EPHB1: variants seen among roughly 807,000 people sequenced by gnomAD.
The protein encoded by EPHB1 is ephrin type-B receptor 1.
EPHB1 carries 30 observed loss-of-function variants against 94.4 expected under a neutral mutation model. That is an observed-to-expected ratio of 0.32 (90% CI 0.24 to 0.43). The LOEUF (loss-of-function observed/expected upper bound fraction) is 0.43, where lower values mean the gene tolerates loss of function less well. Among genes scored for constraint, EPHB1 ranks in the 20% least tolerant of loss-of-function variants. The pLI is 1.00. For missense variants in EPHB1, 1,055 were observed against 1,308.3 expected (o/e 0.81, Z 2.99); for synonymous variants, 522 against 489.1 (o/e 1.07, Z -0.89).
At chr3:134,944,100 A>G (rs1421764765) in intron 2 of EPHB1, among the ~76,000 whole-genome samples, 2 of 152,168 alleles carry the variant, frequency 1.3e-5, no homozygotes, top group Admixed American at 1.3e-4. Flanking sequence ...AAGATTCTTT[A>G]TGCCAGTTTG....
intron 4 of EPHB1, among the ~76,000 whole-genome samples, chr3:135,130,563 C>G (rs555033828): frequency 1.7e-4 from 26 of 152,200 alleles, no homozygotes; most frequent in African/African-American, 6.0e-4. Context: ...TTGAAAATGG[C>G]AAAGACTTGT....
chr3:135,161,967 G>A, intron 6 of EPHB1, 51 bp from the exon 7 acceptor site: 1 of 1,560,210 alleles, frequency 6.4e-7, no homozygotes, highest in South Asian at 1.2e-5. Context: ...GTGGGCTGGG[G>A]GTGTAGCCTT....
At chr3:134,929,658 A>G (rs2038866549) in intron 2 of EPHB1, among the ~76,000 whole-genome samples, 1 of 152,200 alleles carries the variant, frequency 6.6e-6, no homozygotes, top group Admixed American at 6.5e-5. Context: ...CCCCAGATGT[A>G]GGTCTCAGTG....
In EPHB1 at chr3:135,192,562, T is replaced by G; in HGVS notation, c.1883-14T>G. 6.2e-7 allele frequency: 1 copy of G among 1,611,918 alleles called. No individual in the cohort carries two copies. Among genetic ancestry groups the G allele is most frequent in the Non-Finnish European group, 8.5e-7 (1 of 1,178,302 alleles). ...AGAAGGAAGAGGATATTAATGGCAT[T>G]TTTGCTGTTGCAGGGGAGTTTGGAG... is the stretch of plus-strand genomic sequence containing the variant. On this transcript the variant is annotated splice_polypyrimidine_tract_variant and intron_variant, in intron 10 of 15. Coordinates refer to ENST00000398015, the MANE Select transcript of EPHB1 (RefSeq NM_004441.5).
At chr3:135,058,657 A>G (rs1236479137) in intron 3 of EPHB1, among the ~76,000 whole-genome samples, 2 of 152,202 alleles carry the variant, frequency 1.3e-5, no homozygotes, top group Non-Finnish European at 2.9e-5. Flanking sequence ...TAACATCCCC[A>G]GCATGTGAAG....
intron 3 of EPHB1, among the ~76,000 whole-genome samples, chr3:135,098,569 G>A (rs1938897829): frequency 1.3e-5 from 2 of 151,800 alleles, no homozygotes; most frequent in South Asian, 4.2e-4. Flanking sequence ...ATAACACTGT[G>A]ATGAACATCA....
chr3:135,157,316 C>G (rs756944873), intron 6 of EPHB1, among the ~76,000 whole-genome samples: 1 of 152,162 alleles, frequency 6.6e-6, no homozygotes, highest in Non-Finnish European at 1.5e-5. Context: ...AATGACAGGC[C>G]GAGCACTGAA....
At chr3:135,249,543 T>G in intron 15 of EPHB1, 52 bp downstream of exon 15, 1 of 1,568,446 alleles carries the variant, frequency 6.4e-7, no homozygotes, top group East Asian at 2.3e-5. Context: ...TCAGTGCTCC[T>G]TCCCTGCTAT....
intron 3 of EPHB1, among the ~76,000 whole-genome samples, chr3:134,997,680 C>A (rs1935040218): frequency 6.6e-6 from 1 of 152,144 alleles, no homozygotes; most frequent in African/African-American, 2.4e-5. Context: ...TTTGGATAAA[C>A]CTTCCTTTTC....
At chr3:134,928,417 A>G (rs1055836990) in intron 2 of EPHB1, among the ~76,000 whole-genome samples, 2 of 152,172 alleles carry the variant, frequency 1.3e-5, no homozygotes, top group African/African-American at 4.8e-5. Context: ...GCCATATTAT[A>G]ACCTCCGGGG....
At chr3:134,830,636 CTTATTA>C (rs986522870) in intron 1 of EPHB1, among the ~76,000 whole-genome samples, 1 of 151,992 alleles carries the variant, frequency 6.6e-6, no homozygotes, top group African/African-American at 2.4e-5. Context: ...GAAGGGGGTG[CTTATTA>C]TTATTTTTCC....
chr3:134,893,620 C>A (rs761795051), intron 1 of EPHB1, among the ~76,000 whole-genome samples: 30 of 152,248 alleles, frequency 2.0e-4, no homozygotes, highest in Non-Finnish European at 2.2e-4. Context: ...CCAGTACCAG[C>A]CTCCTCGCCA....
chr3:135,249,786 A>G (rs1367463381), intron 15 of EPHB1, among the ~76,000 whole-genome samples: 1 of 152,214 alleles, frequency 6.6e-6, no homozygotes, highest in African/African-American at 2.4e-5. Flanking sequence ...CAACTCATCA[A>G]AGAGAGCATC....
chr3:134,985,769 TG>T (rs1021847135), intron 3 of EPHB1, among the ~76,000 whole-genome samples: 6 of 152,190 alleles, frequency 3.9e-5, no homozygotes, highest in African/African-American at 1.4e-4. Flanking sequence ...TTTAGTTCAC[TG>T]AGGCTCCTTT....
chr3:135,064,134 C>T (rs545013130), intron 3 of EPHB1, among the ~76,000 whole-genome samples: 5 of 151,872 alleles, frequency 3.3e-5, no homozygotes, highest in African/African-American at 7.2e-5. Context: ...ATGTTCATCA[C>T]GGATATTAAT....
chr3:134,824,127 T>C (rs79460330), intron 1 of EPHB1, among the ~76,000 whole-genome samples: 3 of 68,324 alleles, frequency 4.4e-5, no homozygotes, highest in South Asian at 6.4e-4. Context: ...ATAATGCCCT[T>C]TTTTTTTTTT....
intron 1 of EPHB1, among the ~76,000 whole-genome samples, chr3:134,842,376 T>C (rs1460902284): frequency 3.9e-5 from 6 of 152,216 alleles, no homozygotes; most frequent in African/African-American, 9.6e-5. Flanking sequence ...GGAGACCTCC[T>C]TTACACCAGC....
At chr3:135,065,350 G>T (rs1937567688) in intron 3 of EPHB1, among the ~76,000 whole-genome samples, 1 of 152,076 alleles carries the variant, frequency 6.6e-6, no homozygotes, top group African/African-American at 2.4e-5. Context: ...CATATTTTAG[G>T]TCTATTAGTA....
chr3:135,258,103 G>A (rs1284905616), intron 15 of EPHB1, among the ~76,000 whole-genome samples: 2 of 152,142 alleles, frequency 1.3e-5, no homozygotes, highest in Admixed American at 1.3e-4. Context: ...TGCACCCACT[G>A]TCTGGCACTC....
Sources: gnomAD v4.1 joint callset for allele counts (sites outside exome capture counted in the v4.1 genomes callset) on GRCh38, gnomAD v4.1.1 for gene constraint, MANE v1.5 for transcripts, NCBI Gene and HGNC (gene_info 2026-07-23, HGNC 2026-07-21) for gene names.